The following SH3YL1 variants were observed in gnomAD, a reference collection of about 807,000 sequenced individuals.
The protein encoded by SH3YL1 is SH3 domain-containing YSC84-like protein 1.
In SH3YL1, 41 loss-of-function variants were observed where a neutral mutation model predicts 45.8. That is an observed-to-expected ratio of 0.89 (90% CI 0.70 to 1.16). The LOEUF is 1.16. Ranked by LOEUF, SH3YL1 falls within the 50% of genes most tolerant of loss-of-function variation. The pLI is 0.00. For synonymous variants in SH3YL1, 152 were observed against 151.4 expected, an observed-to-expected ratio of 1.00 and a Z score of -0.03; for missense variants, 389 against 409.6, an observed-to-expected ratio of 0.95 and a Z score of 0.43.
intron 1 of SH3YL1, chr2:256,057 C>T (rs573875407): frequency 1.3e-5 from 2 of 152,302 alleles, no homozygotes; most frequent in Admixed American, 6.5e-5. Flanking sequence ...TCACAGCATC[C>T]GTGCCCTCTG....
intron 1 of SH3YL1, among the ~76,000 whole-genome samples, chr2:253,810 C>T (rs572803151): frequency 2.4e-4 from 36 of 152,138 alleles, no homozygotes; most frequent in African/African-American, 8.0e-4. Flanking sequence ...GGGTCTGGAT[C>T]GGGACCCCTT....
chr2:228,766 T>C (rs773319229), intron 8 of SH3YL1, among the ~76,000 whole-genome samples: 4 of 152,104 alleles, frequency 2.6e-5, no homozygotes, highest in Non-Finnish European at 5.9e-5. Flanking sequence ...ATAGGCCTGG[T>C]TCCTGAGCAT....
At chr2:224,834 C>T (rs377097201) in intron 9 of SH3YL1, 30 bp downstream of exon 9, 22 of 1,499,190 alleles carry the variant, frequency 1.5e-5, no homozygotes, top group Non-Finnish European at 2.0e-5. Context: ...GAATATGAAT[C>T]ATTTATAACA....
chr2:263,948 G>T, intron 1 of SH3YL1, 36 bp downstream of exon 1: 1 of 1,480,994 alleles, frequency 6.8e-7, no homozygotes, highest in Non-Finnish European at 9.1e-7. Flanking sequence ...TGAGAGGGGA[G>T]GGTGCTGCCG....
chr2:260,065 T>C (rs572432534), intron 1 of SH3YL1: 70 of 152,214 alleles, frequency 4.6e-4, no homozygotes, highest in African/African-American at 1.7e-3. Flanking sequence ...ATAAAAAGCA[T>C]CTATAACATT....
intron 1 of SH3YL1, among the ~76,000 whole-genome samples, chr2:261,565 C>G (rs1669592902): frequency 6.6e-6 from 1 of 152,132 alleles, no homozygotes; most frequent in Admixed American, 6.5e-5. Context: ...ACAATTTTTA[C>G]TTTGGAAACC....
intron 4 of SH3YL1, among the ~76,000 whole-genome samples, chr2:246,490 T>C (rs1271967137): frequency 6.6e-6 from 1 of 151,874 alleles, no homozygotes; most frequent in Non-Finnish European, 1.5e-5. Context: ...AGCCAGAGGG[T>C]TGTGGGAAGA....
intron 8 of SH3YL1, among the ~76,000 whole-genome samples, chr2:229,308 G>A (rs1178020546): frequency 2.0e-5 from 3 of 152,146 alleles, no homozygotes; most frequent in Admixed American, 6.5e-5. Flanking sequence ...ATAAATATGA[G>A]TATGATAAGA....
upstream of SH3YL1, chr2:264,086 G>C (rs1669732877): frequency 3.0e-6 from 4 of 1,340,434 alleles, no homozygotes; most frequent in African/African-American, 4.6e-5. Context: ...GGGCGTACCT[G>C]CGGCAGGTGA....
chr2:259,450 G>C (rs976171260), intron 1 of SH3YL1: 3 of 151,278 alleles, frequency 2.0e-5, no homozygotes, highest in Non-Finnish European at 4.4e-5. Context: ...TTTTTTTTCT[G>C]TTTTTTCTTA....
chr2:246,467 C>G (rs940718070), intron 4 of SH3YL1, among the ~76,000 whole-genome samples: 1 of 152,112 alleles, frequency 6.6e-6, no homozygotes, highest in African/African-American at 2.4e-5. Context: ...AGCATGCCCC[C>G]AGCCTCACAA....
chr2:255,273 ATATATT>A (rs925300442), intron 1 of SH3YL1, among the ~76,000 whole-genome samples: 2 of 152,184 alleles, frequency 1.3e-5, no homozygotes, highest in African/African-American at 2.4e-5. Flanking sequence ...ATAAAATGTG[ATATATT>A]TTGGTGCCTG....
chr2:248,340 A>T lies in SH3YL1; in HGVS notation c.227-738T>A, dbSNP rs374721754. Among the ~76,000 whole-genome samples the T allele has an allele frequency of 1.0e-3, 152 of 152,246 alleles. 2 individuals carry two copies. In the South Asian group the frequency reaches 0.03, roughly 31 times the overall value. On this transcript the variant is annotated intron_variant, in intron 3 of 9. Coordinates refer to ENST00000356150, the MANE Select transcript of SH3YL1 (RefSeq NM_015677.4). The stretch of plus-strand genomic sequence containing the variant: ...ATGGTTGCTACCATGCATGCTAGAT[A>T]CTAGAATATTGCTGAAATATATCCA...
intron 1 of SH3YL1, among the ~76,000 whole-genome samples, chr2:261,696 T>C (rs750362126): frequency 1.1e-4 from 16 of 152,168 alleles, no homozygotes; most frequent in African/African-American, 3.4e-4. Flanking sequence ...TCGGAGTAAA[T>C]TGCCACCTGA....
intron 1 of SH3YL1, chr2:259,610 G>A (rs1310928424): frequency 1.3e-5 from 2 of 151,826 alleles, no homozygotes; most frequent in East Asian, 1.9e-4. Flanking sequence ...CAGAACCTGT[G>A]ACACATTACA....
In SH3YL1 at chr2:249,807, C is replaced by G; in HGVS notation, c.150G>C (p.Leu50=). The G allele has an allele frequency of 2.6e-6, 4 of 1,552,112 alleles. No individual in the cohort carries two copies. The highest frequency in any genetic ancestry group is 2.6e-6 in the Non-Finnish European group (3 of 1,147,068). ...VIAKAKGLAI[L]SVIKAGFLVT... ...CCAGGAACCCGGCTTTGATCACAGA[C>G]AGAATTGCAAGGCCTTTAGCCTTCG... is the stretch of plus-strand genomic sequence containing the variant. The change falls in exon 3 of 10, where the codon CTG becomes CTC. Residue 50 remains leucine, a synonymous_variant. Coordinates refer to ENST00000356150, the MANE Select transcript of SH3YL1 (RefSeq NM_015677.4).
intron 1 of SH3YL1, chr2:260,416 A>C (rs1273914775): frequency 1.1e-4 from 16 of 152,254 alleles, no homozygotes; most frequent in Admixed American, 1.0e-3. Flanking sequence ...CTGCTGTATC[A>C]GGACGACATT....
intron 1 of SH3YL1, among the ~76,000 whole-genome samples, chr2:256,961 G>T (rs574436767): frequency 3.9e-5 from 6 of 152,196 alleles, no homozygotes; most frequent in African/African-American, 1.2e-4. Flanking sequence ...TTTAATTTTC[G>T]TTTCTCAGAT....
chr2:257,270 A>C (rs1273529687), intron 1 of SH3YL1, among the ~76,000 whole-genome samples: 1 of 152,108 alleles, frequency 6.6e-6, no homozygotes, highest in Non-Finnish European at 1.5e-5. Flanking sequence ...TTTTTGTTGT[A>C]ATTGCTTTTG....
Sources: gnomAD v4.1 joint callset for allele counts (sites outside exome capture counted in the v4.1 genomes callset) on GRCh38, gnomAD v4.1.1 for gene constraint, MANE v1.5 for transcripts, NCBI Gene and HGNC (gene_info 2026-07-23, HGNC 2026-07-21) for gene names.